The following ODAD4 variants were observed in gnomAD, a reference collection of about 807,000 sequenced individuals.
The protein encoded by ODAD4 is outer dynein arm docking complex subunit 4.
In ODAD4, 49 loss-of-function variants were observed where a neutral mutation model predicts 51.8. That is an observed-to-expected ratio of 0.95 (90% CI 0.75 to 1.20). The LOEUF is 1.20. Among genes scored for constraint, ODAD4 ranks in the 50% most tolerant of loss-of-function variants. ODAD4 has a pLI of 0.00. For missense variants in ODAD4, 590 were observed against 586.5 expected (o/e 1.01, Z -0.06); for synonymous variants, 235 against 221.3 (o/e 1.06, Z -0.55).
intron 8 of ODAD4, 184 bp downstream of exon 8, chr17:41,945,406 G>A: frequency 1.7e-6 from 1 of 599,422 alleles, no homozygotes; most frequent in Admixed American, 3.0e-5. Flanking sequence ...CAGCTACTTG[G>A]GAGGCTGAGG....
At chr17:41,955,018 C>A in intron 9 of ODAD4, 199 bp from the exon 10 acceptor site, 1 of 687,256 alleles carries the variant, frequency 1.5e-6, no homozygotes, top group Non-Finnish European at 2.7e-6. Flanking sequence ...TCCTGGTTCT[C>A]GATGGTGACA....
intron 10 of ODAD4, among the ~76,000 whole-genome samples, chr17:41,956,902 T>G (rs1308799756): frequency 6.6e-6 from 1 of 152,096 alleles, no homozygotes; most frequent in Admixed American, 6.6e-5. Context: ...TATTTTCTTT[T>G]TGCTTTTTAT....
chr17:41,933,174 G>A (rs2050374398), intron 1 of ODAD4, among the ~76,000 whole-genome samples: 1 of 152,094 alleles, frequency 6.6e-6, no homozygotes, highest in Non-Finnish European at 1.5e-5. Flanking sequence ...ACACCCTGAG[G>A]GAAGGGTAGC....
chr17:41,956,524 TGTATGGTGGG>T (rs2050736043), intron 10 of ODAD4, among the ~76,000 whole-genome samples: 1 of 135,770 alleles, frequency 7.4e-6, no homozygotes, highest in Non-Finnish European at 1.5e-5. Context: ...GATGGGGCCA[TGTATGGTGGG>T]ACCTAGCCTG....
intron 11 of ODAD4, 64 bp downstream of exon 11, chr17:41,961,530 T>C (rs2050806716): frequency 1.4e-6 from 1 of 712,714 alleles, no homozygotes; most frequent in African/African-American, 1.8e-5. Flanking sequence ...TTTCCTCTAG[T>C]CCGAGACACA....
intron 7 of ODAD4, among the ~76,000 whole-genome samples, chr17:41,941,816 G>A (rs1226937563): frequency 6.6e-6 from 1 of 151,758 alleles, no homozygotes; most frequent in Non-Finnish European, 1.5e-5. Flanking sequence ...GCTGCCCCAG[G>A]GGTTACAAAT....
intron 1 of ODAD4, among the ~76,000 whole-genome samples, chr17:41,934,042 T>TC (rs2050389941): frequency 8.4e-6 from 1 of 118,396 alleles, no homozygotes; most frequent in African/African-American, 3.1e-5. Flanking sequence ...TTCTTTCTTT[T>TC]TTTTTTTTTT....
chr17:41,956,485 C>CTTTTTTTT, intron 10 of ODAD4, among the ~76,000 whole-genome samples: 2 of 110,944 alleles, frequency 1.8e-5, no homozygotes, highest in Non-Finnish European at 3.5e-5. Context: ...CATGCCCGGC[C>CTTTTTTTT]TTTTTTTTTT....
Position 41,965,700 on chromosome 17 carries a change from G to C in ODAD4, c.*217G>C, listed in dbSNP as rs1317172108. The C allele has an allele frequency of 9.8e-6, 5 of 508,368 alleles. No homozygotes were observed. In the Admixed American group the frequency reaches 1.1e-4, roughly 12 times the overall value. 31.5% of individuals were successfully genotyped at this position (508,368 alleles called of 1,614,324 possible). ...TTCACCCCTGCCCATTCTTGGAAGA[G>C]CATCGTGGAAGAAATGAGAAAGGTG... On this transcript the variant is annotated 3_prime_UTR_variant, in exon 12 of 12. Transcript: ENST00000377540.
At chr17:41,955,450 C>T (rs560407513) in intron 10 of ODAD4, 133 bp downstream of exon 10, 13 of 601,944 alleles carry the variant, frequency 2.2e-5, no homozygotes, top group East Asian at 1.5e-4. Context: ...TGTTTTGAGA[C>T]AGAGTCTTGC....
At chr17:41,960,917 G>A (rs1244575443) in intron 10 of ODAD4, among the ~76,000 whole-genome samples, 5 of 152,204 alleles carry the variant, frequency 3.3e-5, no homozygotes, top group African/African-American at 1.2e-4. Context: ...TGTGGATCAT[G>A]CACTCGAGTT....
Position 41,959,204 on chromosome 17 carries a change from G to A in ODAD4, c.1444-2178G>A, listed in dbSNP as rs546727698. Reference sequence around the variant, plus strand: ...CCACTCCCAGTGCATCCAGGTGGACGCACAAGCTTAGTAAAGTCTGCACAC... The same window carrying A: ...CCACTCCCAGTGCATCCAGGTGGACACACAAGCTTAGTAAAGTCTGCACAC... On this transcript the variant is annotated intron_variant, in intron 10 of 11. Transcript: ENST00000377540. Among the ~76,000 whole-genome samples the A allele has an allele frequency of 4.7e-4, 72 of 152,248 alleles. 1 individual carries two copies. Among genetic ancestry groups the A allele is most frequent in the African/African-American group, 1.6e-3 (66 of 41,544 alleles).
intron 10 of ODAD4, among the ~76,000 whole-genome samples, chr17:41,957,375 C>T (rs1195216152): frequency 6.6e-6 from 1 of 152,102 alleles, no homozygotes; most frequent in East Asian, 1.9e-4. Context: ...CCTCACGTGC[C>T]GTTCACAATC....
chr17:41,952,464 G>T (rs2050667447), intron 9 of ODAD4, among the ~76,000 whole-genome samples: 1 of 141,200 alleles, frequency 7.1e-6, no homozygotes, highest in South Asian at 2.3e-4. Flanking sequence ...TTGAGCCCAG[G>T]TTGAGACCGC....
At chr17:41,960,685 C>T (rs568913789) in intron 10 of ODAD4, among the ~76,000 whole-genome samples, 2 of 152,294 alleles carry the variant, frequency 1.3e-5, no homozygotes, top group Non-Finnish European at 2.9e-5. Context: ...AGGCCCCCGA[C>T]CCCTCACCCT....
At chr17:41,958,771 TC>T (rs2050766250) in intron 10 of ODAD4, among the ~76,000 whole-genome samples, 1 of 151,334 alleles carries the variant, frequency 6.6e-6, no homozygotes, top group Non-Finnish European at 1.5e-5. Context: ...ACACCTGTAA[TC>T]CGAACACTTT....
At chr17:41,932,521 A>G (rs1369304190) in intron 1 of ODAD4, among the ~76,000 whole-genome samples, 2 of 152,090 alleles carry the variant, frequency 1.3e-5, no homozygotes, top group Non-Finnish European at 2.9e-5. Flanking sequence ...TGACATCTGC[A>G]TAAGGAAACT....
chr17:41,936,937 A>G lies in ODAD4; in HGVS notation c.625+10A>G, dbSNP rs754875216. Reference sequence around the variant, plus strand: ...CTCCTATTGGATGAAGGTTTCGGACACTTTGTTGGCACGGGGCCTTGGGGG... The same window carrying G: ...CTCCTATTGGATGAAGGTTTCGGACGCTTTGTTGGCACGGGGCCTTGGGGG... On this transcript the variant is annotated intron_variant, in intron 5 of 11. Coordinates refer to ENST00000377540, the MANE Select transcript of ODAD4 (RefSeq NM_031421.5). 13 of 1,612,280 alleles carry G rather than the reference A, an allele frequency of 8.1e-6. No homozygotes were observed. Among genetic ancestry groups the G allele is most frequent in the Non-Finnish European group, 9.3e-6 (11 of 1,178,664 alleles).
chr17:41,936,566 C>T, intron 4 of ODAD4, 32 bp downstream of exon 4: 1 of 1,594,860 alleles, frequency 6.3e-7, no homozygotes, highest in Middle Eastern at 1.9e-4. Context: ...TTGTATCCCT[C>T]CAAGGGAAGA....
Sources: gnomAD v4.1 joint callset for allele counts (sites outside exome capture counted in the v4.1 genomes callset) on GRCh38, gnomAD v4.1.1 for gene constraint, MANE v1.5 for transcripts, NCBI Gene and HGNC (gene_info 2026-07-23, HGNC 2026-07-21) for gene names.